ASCC1: variants seen among roughly 807,000 people sequenced by gnomAD.
The protein encoded by ASCC1 is activating signal cointegrator 1 complex subunit 1, also known as ASC-1 complex subunit P50.
In ASCC1, 35 loss-of-function variants were observed where a neutral mutation model predicts 46.6. The observed-to-expected ratio is 0.75, with a 90% CI of 0.57 to 0.99. The LOEUF is 0.99. Among genes scored for constraint, ASCC1 ranks in the 50% least tolerant of loss-of-function variants. The probability of loss-of-function intolerance (pLI) is 0.00; values close to 1 mark genes in which losing one functional copy is unlikely to be tolerated. For missense variants in ASCC1, 376 were observed against 428.7 expected, an observed-to-expected ratio of 0.88 and a Z score of 1.09; for synonymous variants, 143 against 146.6, an observed-to-expected ratio of 0.98 and a Z score of 0.18.
chr10:72,137,690 G>A (rs750426401), intron 7 of ASCC1, among the ~76,000 whole-genome samples: 1 of 151,914 alleles, frequency 6.6e-6, no homozygotes, highest in African/African-American at 2.4e-5. Flanking sequence ...TATGAAAAAA[G>A]TACGAAAAGC....
At chr10:72,156,131 G>A (rs989241330) in intron 6 of ASCC1, among the ~76,000 whole-genome samples, 3 of 152,150 alleles carry the variant, frequency 2.0e-5, no homozygotes, top group Admixed American at 2.0e-4. Flanking sequence ...AATGGCTTGG[G>A]CCATCCCCTT....
chr10:72,097,147 C>A lies in ASCC1; in HGVS notation c.*187G>T. 1.5e-6 allele frequency: 1 copy of A among 687,754 alleles called. No individual in the cohort carries two copies. The highest frequency in any genetic ancestry group is 2.8e-5 in the East Asian group (1 of 35,506). 42.6% of individuals were successfully genotyped at this position (687,754 alleles called of 1,614,324 possible). ...TTATAGGCACAAATTCTCCTTATGC[C>A]CACCACCATCTCAGCTGGTAGTATG... On this transcript the variant is annotated 3_prime_UTR_variant, in exon 10 of 10. Transcript: ENST00000672957.
intron 3 of ASCC1, among the ~76,000 whole-genome samples, chr10:72,205,986 G>C (rs12262729): frequency 0.14 from 21,249 of 150,774 alleles, 4,256 homozygotes; most frequent in African/African-American, 0.45. Flanking sequence ...TGCCTGTAAT[G>C]CCAGTTACTC....
At chr10:72,165,266 G>A (rs779139746) in intron 5 of ASCC1, among the ~76,000 whole-genome samples, 29 of 152,102 alleles carry the variant, frequency 1.9e-4, no homozygotes, top group African/African-American at 3.9e-4. Flanking sequence ...ACAGGCATGC[G>A]CCACCATGCC....
chr10:72,174,405 T>C (rs1429321718), intron 5 of ASCC1, among the ~76,000 whole-genome samples: 1 of 152,188 alleles, frequency 6.6e-6, no homozygotes, highest in Non-Finnish European at 1.5e-5. Flanking sequence ...CAGTATGGAT[T>C]GGTCCATCAT....
intron 7 of ASCC1, among the ~76,000 whole-genome samples, chr10:72,135,078 G>A (rs555290295): frequency 1.3e-5 from 2 of 152,304 alleles, no homozygotes; most frequent in East Asian, 1.9e-4. Flanking sequence ...GGCTGTGTGT[G>A]TTTTCAATGA....
intron 5 of ASCC1, among the ~76,000 whole-genome samples, chr10:72,186,115 G>A (rs1240017681): frequency 6.6e-6 from 1 of 151,162 alleles, no homozygotes; most frequent in African/African-American, 2.4e-5. Context: ...AATATCATAC[G>A]TATTAATTAA....
intron 4 of ASCC1, among the ~76,000 whole-genome samples, chr10:72,202,323 C>G (rs1045647529): frequency 6.6e-6 from 1 of 152,050 alleles, no homozygotes; most frequent in East Asian, 1.9e-4. Flanking sequence ...CAAAAATTAG[C>G]TGGGTTTGGT....
chr10:72,111,935 C>A (rs1224108737), intron 9 of ASCC1, among the ~76,000 whole-genome samples: 2 of 152,230 alleles, frequency 1.3e-5, no homozygotes, highest in African/African-American at 4.8e-5. Context: ...AGCCACCACG[C>A]CAGGCCAAGC....
chr10:72,105,261 G>A (rs899229042), intron 9 of ASCC1, among the ~76,000 whole-genome samples: 1 of 152,188 alleles, frequency 6.6e-6, no homozygotes, highest in African/African-American at 2.4e-5. Flanking sequence ...CACAGACAGC[G>A]GGACAAAGAG....
At chr10:72,137,848 CATA>C (rs1846446412) in intron 7 of ASCC1, among the ~76,000 whole-genome samples, 1 of 151,746 alleles carries the variant, frequency 6.6e-6, no homozygotes, top group South Asian at 2.1e-4. Context: ...ATCTAAGAAC[CATA>C]ATATTTCTTC....
intron 5 of ASCC1, among the ~76,000 whole-genome samples, chr10:72,178,828 A>G (rs74145602): frequency 0.093 from 14,189 of 152,224 alleles, 2,000 homozygotes; most frequent in African/African-American, 0.3. Flanking sequence ...AGAATCTTTC[A>G]TATCAGAGAT....
chr10:72,194,585 AC>A (rs1402879372), intron 5 of ASCC1, among the ~76,000 whole-genome samples: 1 of 150,486 alleles, frequency 6.6e-6, no homozygotes, highest in Non-Finnish European at 1.5e-5. Flanking sequence ...AAGTAAAATA[AC>A]CCACTAGTGC....
At chr10:72,109,322 A>G (rs1398511560) in intron 9 of ASCC1, among the ~76,000 whole-genome samples, 1 of 152,144 alleles carries the variant, frequency 6.6e-6, no homozygotes, top group Non-Finnish European at 1.5e-5. Flanking sequence ...TGTCTCCATT[A>G]AAATAGTACC....
At chr10:72,184,850 A>G (rs528459528) in intron 5 of ASCC1, among the ~76,000 whole-genome samples, 119 of 152,200 alleles carry the variant, frequency 7.8e-4, no homozygotes, top group African/African-American at 2.7e-3. Flanking sequence ...TAAATAAGCA[A>G]TATCACGCAC....
chr10:72,147,503 T>C (rs1209300533), intron 7 of ASCC1, among the ~76,000 whole-genome samples: 1 of 152,102 alleles, frequency 6.6e-6, no homozygotes. Flanking sequence ...TCCACCCACT[T>C]TGGCATCCCA....
chr10:72,102,288 AAAC>A (rs775450027), intron 9 of ASCC1: 19 of 1,519,542 alleles, frequency 1.3e-5, no homozygotes, highest in South Asian at 4.8e-5. Flanking sequence ...TTCATGGGGA[AAAC>A]AACAAGTTCA....
At chr10:72,133,261 G>A in intron 7 of ASCC1, 80 bp from the exon 8 acceptor site, 2 of 1,442,696 alleles carry the variant, frequency 1.4e-6, no homozygotes, top group Non-Finnish European at 1.9e-6. Flanking sequence ...AATGTTTATG[G>A]AGCATGTGCT....
intron 5 of ASCC1, among the ~76,000 whole-genome samples, chr10:72,177,726 T>C (rs1256295782): frequency 6.6e-6 from 1 of 152,172 alleles, no homozygotes; most frequent in Admixed American, 6.6e-5. Context: ...AGCTAAAAAA[T>C]GATTGAGAGA....
Sources: allele counts gnomAD v4.1 joint callset (sites outside exome capture counted in the v4.1 genomes callset), GRCh38; gene constraint gnomAD v4.1.1; transcripts MANE v1.5; gene names NCBI Gene and HGNC (gene_info 2026-07-23, HGNC 2026-07-21).